The following ERC2 variants were observed in gnomAD, a reference collection of about 807,000 sequenced individuals.
The protein encoded by ERC2 is ERC protein 2.
Under a neutral mutation model 114.8 loss-of-function variants are expected in ERC2, and 42 were observed. The observed-to-expected ratio is 0.37, with a 90% confidence interval of 0.29 to 0.47. The LOEUF (loss-of-function observed/expected upper bound fraction) is 0.47, where lower values mean the gene tolerates loss of function less well. Ranked by LOEUF, ERC2 falls within the 20% of genes least tolerant of loss-of-function variation. The pLI is 0.99. For missense variants in ERC2, 939 were observed against 1,150.7 expected (o/e 0.82, Z 2.66); for synonymous variants, 454 against 425.5 (o/e 1.07, Z -0.82).
At chr3:56,086,036 G>A (rs1560149123) in intron 6 of ERC2, among the ~76,000 whole-genome samples, 1 of 152,326 alleles carries the variant, frequency 6.6e-6, no homozygotes, top group Non-Finnish European at 1.5e-5. Context: ...GAGAGAGAGA[G>A]TCAAGGGCTC....
At chr3:55,688,808 T>C (rs2062473228) in intron 16 of ERC2, among the ~76,000 whole-genome samples, 1 of 152,132 alleles carries the variant, frequency 6.6e-6, no homozygotes. Flanking sequence ...AAATGAGTAA[T>C]TATGGAAGGC....
chr3:55,610,074 A>AG, intron 17 of ERC2, among the ~76,000 whole-genome samples: 1 of 151,804 alleles, frequency 6.6e-6, no homozygotes, highest in Admixed American at 6.6e-5. Flanking sequence ...CAAAAAAAAA[A>AG]AAAAAAAAAA....
At chr3:55,773,278 T>C (rs2068359233) in intron 14 of ERC2, among the ~76,000 whole-genome samples, 1 of 152,210 alleles carries the variant, frequency 6.6e-6, no homozygotes, top group South Asian at 2.1e-4. Flanking sequence ...GCACTGGCCA[T>C]GCCCTCTGCC....
At chr3:56,003,847 T>C (rs772657121) in intron 10 of ERC2, among the ~76,000 whole-genome samples, 2 of 152,126 alleles carry the variant, frequency 1.3e-5, no homozygotes, top group East Asian at 3.9e-4. Context: ...TCTTGTCTAT[T>C]TTGTGTTGAA....
Position 55,920,146 on chromosome 3 carries a change from T to C in ERC2, c.2403+30279A>G, listed in dbSNP as rs150659993. Among the ~76,000 whole-genome samples, 1,161 of 152,154 alleles carry C rather than the reference T, an allele frequency of 7.6e-3. 11 individuals carry two copies. The highest frequency in any genetic ancestry group is 0.012 in the Non-Finnish European group (835 of 67,972). On this transcript the variant is annotated intron_variant, in intron 13 of 17. Coordinates refer to ENST00000288221, the MANE Select transcript of ERC2 (RefSeq NM_015576.3). ...GGATTCTCTTTGAGAAAAATGGAGA[T>C]ACATGGAATCAGGATGGAGTAAAAT...
rs575340726 is a variant in ERC2, at chr3:55,895,287, C to T, written c.2404-6738G>A. Among the ~76,000 whole-genome samples the T allele has an allele frequency of 4.3e-4, 65 of 152,190 alleles. 1 individual carries two copies. Among genetic ancestry groups the T allele is most frequent in the Non-Finnish European group, 5.4e-4 (37 of 68,010 alleles). ...CTAATTAAATCAAAATATTTGAGGG[C>T]GGGAGCCAGGCATCTGTATTTTATT... On this transcript the variant is annotated intron_variant, in intron 13 of 17. Transcript: ENST00000288221.
intron 17 of ERC2, among the ~76,000 whole-genome samples, chr3:55,682,990 T>C (rs1343198585): frequency 6.6e-6 from 1 of 152,236 alleles, no homozygotes; most frequent in Non-Finnish European, 1.5e-5. Context: ...GGTAATTACA[T>C]GTGTCACTAT....
chr3:55,568,792 G>A (rs1404072402), intron 17 of ERC2, among the ~76,000 whole-genome samples: 4 of 151,928 alleles, frequency 2.6e-5, no homozygotes, highest in Non-Finnish European at 4.4e-5. Context: ...TTCCCTCCTC[G>A]TTCACAGTGA....
At chr3:56,463,154 G>C (rs2063393020) in intron 1 of ERC2, among the ~76,000 whole-genome samples, 1 of 152,152 alleles carries the variant, frequency 6.6e-6, no homozygotes, top group South Asian at 2.1e-4. Flanking sequence ...CTTGAGCCGG[G>C]GAAGTCAAGG....
At chr3:55,777,271 G>A (rs1266135609) in intron 14 of ERC2, among the ~76,000 whole-genome samples, 1 of 144,822 alleles carries the variant, frequency 6.9e-6, no homozygotes, top group African/African-American at 2.6e-5. Flanking sequence ...AGGTTCTGGG[G>A]TAACAACCTG....
intron 10 of ERC2, among the ~76,000 whole-genome samples, chr3:56,000,496 C>G (rs908499657): frequency 2.0e-5 from 3 of 152,012 alleles, no homozygotes; most frequent in Non-Finnish European, 2.9e-5. Flanking sequence ...CTGATTTAAA[C>G]TACTTACGTA....
chr3:56,039,643 A>AAG (rs2075013196), intron 7 of ERC2, among the ~76,000 whole-genome samples: 1 of 152,124 alleles, frequency 6.6e-6, no homozygotes, highest in African/African-American at 2.4e-5. Flanking sequence ...ATAGAAAAAA[A>AAG]AATCCTAAAA....
chr3:55,969,038 T>C (rs1396596025), intron 12 of ERC2, among the ~76,000 whole-genome samples: 2 of 152,100 alleles, frequency 1.3e-5, no homozygotes, highest in Admixed American at 1.3e-4. Flanking sequence ...TCAGTATAAA[T>C]GGAGACAAAG....
intron 4 of ERC2, among the ~76,000 whole-genome samples, chr3:56,169,118 T>C (rs1160810462): frequency 6.6e-6 from 1 of 152,122 alleles, no homozygotes; most frequent in Non-Finnish European, 1.5e-5. Context: ...CTCTGGCTTC[T>C]TAATCCACTT....
At chr3:56,424,417 T>C (rs2061494763) in intron 2 of ERC2, among the ~76,000 whole-genome samples, 1 of 152,186 alleles carries the variant, frequency 6.6e-6, no homozygotes. Context: ...ATTAGCCAAG[T>C]CTTTCAGAAG....
At chr3:55,883,587 G>C (rs2063215521) in intron 14 of ERC2, among the ~76,000 whole-genome samples, 1 of 151,340 alleles carries the variant, frequency 6.6e-6, no homozygotes, top group Admixed American at 6.6e-5. Flanking sequence ...TGTAAAACTG[G>C]ATAAATTGGA....
chr3:55,744,699 C>T (rs1428705183), intron 14 of ERC2, among the ~76,000 whole-genome samples: 1 of 152,214 alleles, frequency 6.6e-6, no homozygotes, highest in Non-Finnish European at 1.5e-5. Context: ...CTGCTTGGGC[C>T]TGCTCCCACC....
chr3:56,453,297 T>C (rs1333921469), intron 1 of ERC2, among the ~76,000 whole-genome samples: 1 of 152,214 alleles, frequency 6.6e-6, no homozygotes, highest in African/African-American at 2.4e-5. Context: ...CATTCTTTTT[T>C]CTTCTCTACC....
chr3:56,173,803 A>G (rs1288186583), intron 3 of ERC2: 1 of 332,102 alleles, frequency 3.0e-6, no homozygotes, highest in East Asian at 6.3e-5. Flanking sequence ...ACTGTTCAAC[A>G]CTGGGGCTGA....
Sources: allele counts gnomAD v4.1 joint callset (sites outside exome capture counted in the v4.1 genomes callset), GRCh38; gene constraint gnomAD v4.1.1; transcripts MANE v1.5; gene names NCBI Gene and HGNC (gene_info 2026-07-23, HGNC 2026-07-21).